Variants in SS18 observed in about 807,000 individuals in gnomAD.
SS18 encodes the protein protein SSXT.
Under a neutral mutation model 72.5 loss-of-function variants are expected in SS18, and 28 were observed. The observed-to-expected ratio is 0.39, with a 90% CI of 0.29 to 0.53. The LOEUF is 0.53. SS18 is among the 20% of genes least tolerant of loss of function. The pLI, the probability that SS18 is intolerant of heterozygous loss-of-function variation, is 0.76. For missense variants in SS18, 518 were observed against 535.3 expected, an observed-to-expected ratio of 0.97 and a Z score of 0.32; for synonymous variants, 172 against 164.2, an observed-to-expected ratio of 1.05 and a Z score of -0.37.
chr18:26,021,149 T>C (rs1247662806), intron 10 of SS18, among the ~76,000 whole-genome samples: 3 of 152,216 alleles, frequency 2.0e-5, no homozygotes, highest in East Asian at 3.9e-4. Context: ...TCTGCAACCA[T>C]TAACAAATTC....
At chr18:26,033,105 A>G (rs934063761) in intron 9 of SS18, among the ~76,000 whole-genome samples, 7 of 152,388 alleles carry the variant, frequency 4.6e-5, no homozygotes, top group Middle Eastern at 3.4e-3. Flanking sequence ...AACTTGATTC[A>G]AAAGTCACAC....
Position 26,039,289 on chromosome 18 carries a change from C to A in SS18, c.775G>T (p.Gly259Cys). The change falls in exon 6 of 11, where the codon GGC (glycine) becomes TGC (cysteine). Residue 259 changes from glycine to cysteine, a missense_variant and splice_region_variant. Physicochemically the swap from Gly to Cys is radical, Grantham distance 159 (BLOSUM62 -3). Transcript: ENST00000415083. The stretch of plus-strand genomic sequence containing the variant: ...GCAAATTTTCCAAATGGAATCTTAC[C>A]CTGTTGAGGAGGTCTATAGGGAGGA... ...QIPPYRPPQQGPPQQYSGQED... is the reference protein window; with the variant it reads ...QIPPYRPPQQCPPQQYSGQED... 1 of 1,599,662 alleles carries A rather than the reference C, an allele frequency of 6.3e-7. No homozygotes were observed. Among genetic ancestry groups the A allele is most frequent in the Non-Finnish European group, 8.5e-7 (1 of 1,171,346 alleles).
In SS18 at chr18:26,090,518, G is replaced by A; in HGVS notation, c.52C>T (p.Pro18Ser). 2 of 1,583,638 alleles carry A rather than the reference G, an allele frequency of 1.3e-6. No individual in the cohort carries two copies. Among genetic ancestry groups the A allele is most frequent in the Non-Finnish European group, 8.6e-7 (1 of 1,165,336 alleles). ...PRQRGKGEIT[P>S]AAIQKMLDDN... ...GGTTTCACCTTCTGAATCGCAGCGG[G>A]AGTGATCTCCCCCTTGCCTCGCTGC... Residue 18 changes from proline to serine, a missense_variant, in exon 1 of 11, where the codon CCC becomes TCC. Pro to Ser is a moderately conservative substitution (Grantham distance 74, BLOSUM62 -1). Transcript: ENST00000415083.
intron 10 of SS18, among the ~76,000 whole-genome samples, chr18:26,030,663 C>T (rs934921289): frequency 2.0e-5 from 3 of 152,014 alleles, no homozygotes; most frequent in Non-Finnish European, 2.9e-5. Context: ...TAGTCTACAA[C>T]ATGCTAAAGC....
At chr18:26,055,818 C>G (rs1169978433) in intron 4 of SS18, among the ~76,000 whole-genome samples, 2 of 142,842 alleles carry the variant, frequency 1.4e-5, no homozygotes, top group East Asian at 4.2e-4. Flanking sequence ...GGTGCAGTGG[C>G]GTGATTTCGG....
At chr18:26,051,300 C>A (rs1278667913) in intron 5 of SS18, among the ~76,000 whole-genome samples, 4 of 152,174 alleles carry the variant, frequency 2.6e-5, no homozygotes, top group Non-Finnish European at 4.4e-5. Context: ...CAAAATACGA[C>A]ATTTTTAAAA....
At chr18:26,023,626 T>A in intron 10 of SS18, 2 of 531,596 alleles carry the variant, frequency 3.8e-6, no homozygotes, top group Non-Finnish European at 3.6e-6. Context: ...ACTGTCCACC[T>A]AGAATTCTAT....
chr18:26,061,972 T>G (rs921197047), intron 3 of SS18, among the ~76,000 whole-genome samples: 1 of 152,062 alleles, frequency 6.6e-6, no homozygotes, highest in African/African-American at 2.4e-5. Context: ...CACAAAAGAC[T>G]AGGTTAGGCC....
At chr18:26,086,062 T>C (rs1308890425) in intron 2 of SS18, 1 of 152,170 alleles carries the variant, frequency 6.6e-6, no homozygotes, top group Non-Finnish European at 1.5e-5. Context: ...AATGGATGGT[T>C]GTTACTGAAC....
chr18:26,038,507 T>C (rs756933111), intron 7 of SS18, 48 bp downstream of exon 7: 3 of 1,498,814 alleles, frequency 2.0e-6, no homozygotes, highest in Admixed American at 3.4e-5. Context: ...TCTACATTAA[T>C]ATTAGGCAGG....
intron 2 of SS18, chr18:26,079,185 A>C (rs1194534535): frequency 6.6e-6 from 1 of 152,252 alleles, no homozygotes; most frequent in Non-Finnish European, 1.5e-5. Flanking sequence ...AACACCAACA[A>C]CACTCAAGAT....
At chr18:26,050,519 G>A (rs2053902932) in intron 5 of SS18, among the ~76,000 whole-genome samples, 1 of 151,790 alleles carries the variant, frequency 6.6e-6, no homozygotes, top group Admixed American at 6.6e-5. Context: ...AACTCACCAT[G>A]AACTTCTTTA....
At position 26,023,125 on chromosome 18, in the gene SS18, T is replaced by C. The variant is rs1412782387; in HGVS notation, c.1231-4745A>G. ...TATATCTTCATCACCCAACATAAAATTCACAATGTCTGGAATCCAATCAAA... is the reference window on the plus strand; with the variant it reads ...TATATCTTCATCACCCAACATAAAACTCACAATGTCTGGAATCCAATCAAA... On this transcript the variant is annotated intron_variant, in intron 10 of 10. Coordinates refer to ENST00000415083, the MANE Select transcript of SS18 (RefSeq NM_001007559.3). Among the ~76,000 whole-genome samples the C allele has an allele frequency of 2.6e-5, 4 of 152,064 alleles. No homozygotes were observed. The East Asian group carries it at 7.7e-4, about 29-fold the overall frequency.
At chr18:26,042,340 T>C (rs755398683) in intron 5 of SS18, among the ~76,000 whole-genome samples, 1 of 152,294 alleles carries the variant, frequency 6.6e-6, no homozygotes, top group Non-Finnish European at 1.5e-5. Flanking sequence ...ACATAAACAA[T>C]TTTGATGTTA....
intron 3 of SS18, among the ~76,000 whole-genome samples, chr18:26,074,736 G>A (rs2054379197): frequency 6.6e-6 from 1 of 151,720 alleles, no homozygotes; most frequent in South Asian, 2.1e-4. Flanking sequence ...TAATTTTTAA[G>A]AATGTAACAG....
chr18:26,027,250 A>G (rs757915306), intron 10 of SS18, among the ~76,000 whole-genome samples: 21 of 152,238 alleles, frequency 1.4e-4, no homozygotes, highest in Non-Finnish European at 2.4e-4. Context: ...GTACTGGCAT[A>G]AAGATACATA....
At chr18:26,023,732 A>T (rs1490903417) in intron 10 of SS18, 2 of 459,764 alleles carry the variant, frequency 4.4e-6, no homozygotes, top group African/African-American at 4.0e-5. Context: ...CATTTCAAGA[A>T]ATGTTAACAT....
Position 26,038,387 on chromosome 18 carries a change from G to C in SS18, c.880+168C>G, listed in dbSNP as rs138555702. Among the ~76,000 whole-genome samples the C allele has an allele frequency of 2.6e-3, 398 of 152,278 alleles. 4 individuals carry two copies. The highest frequency in any genetic ancestry group is 8.9e-3 in the African/African-American group (368 of 41,558). On this transcript the variant is annotated intron_variant, in intron 7 of 10. Transcript: ENST00000415083. ...AACACCTAAAATATACTTTGAATTA[G>C]ATTATAAACTAATGCTATCATTGGT...
intron 3 of SS18, among the ~76,000 whole-genome samples, chr18:26,063,571 G>T (rs961860304): frequency 6.6e-6 from 1 of 151,978 alleles, no homozygotes; most frequent in African/African-American, 2.4e-5. Flanking sequence ...ATTCATAAAA[G>T]AAGAAATCAC....
Sources: gnomAD v4.1 joint callset for allele counts (sites outside exome capture counted in the v4.1 genomes callset) on GRCh38, gnomAD v4.1.1 for gene constraint, MANE v1.5 for transcripts, NCBI Gene and HGNC (gene_info 2026-07-23, HGNC 2026-07-21) for gene names.